The following RUVBL1 variants were observed in gnomAD, a reference collection of about 807,000 sequenced individuals.
RUVBL1 encodes ruvB-like 1.
RUVBL1 carries 4 observed loss-of-function variants against 52.4 expected under a neutral mutation model. That is an observed-to-expected ratio of 0.08 (90% CI 0.04 to 0.17). The LOEUF (loss-of-function observed/expected upper bound fraction) is 0.17, where lower values mean the gene tolerates loss of function less well. Among genes scored for constraint, RUVBL1 ranks in the 10% least tolerant of loss-of-function variants. RUVBL1 has a pLI of 1.00. For synonymous variants in RUVBL1, 217 were observed against 214.4 expected, an observed-to-expected ratio of 1.01 and a Z score of -0.10; for missense variants, 298 against 572.8, an observed-to-expected ratio of 0.52 and a Z score of 4.90.
intron 9 of RUVBL1, among the ~76,000 whole-genome samples, chr3:128,072,237 A>ACTCTCCCCAGTCCTGGACAGGGC (rs557874464): frequency 6.6e-6 from 1 of 150,858 alleles, no homozygotes; most frequent in Non-Finnish European, 1.5e-5. Flanking sequence ...CCACATTTCC[A>ACTCTCCCCAGTCCTGGACAGGGC]CTCTCCCCAG....
chr3:128,137,065 G>C (rs1943958830), intron 1 of RUVBL1, among the ~76,000 whole-genome samples: 1 of 152,048 alleles, frequency 6.6e-6, no homozygotes, highest in African/African-American at 2.4e-5. Context: ...CTTAAGGATA[G>C]ACCACGTTAG....
chr3:128,119,463 A>G, intron 1 of RUVBL1, 49 bp from the exon 2 acceptor site: 1 of 1,499,376 alleles, frequency 6.7e-7, no homozygotes, highest in East Asian at 2.3e-5. Flanking sequence ...AAAATGTTTC[A>G]CAAGGGGAAA....
chr3:128,129,809 G>C (rs1943847624), intron 1 of RUVBL1, among the ~76,000 whole-genome samples: 1 of 152,194 alleles, frequency 6.6e-6, no homozygotes, highest in Non-Finnish European at 1.5e-5. Flanking sequence ...TGAGGAAGTA[G>C]TTAAATTCAT....
chr3:128,144,403 CA>C (rs1404134269), intron 1 of RUVBL1, among the ~76,000 whole-genome samples: 1 of 152,184 alleles, frequency 6.6e-6, no homozygotes, highest in Non-Finnish European at 1.5e-5. Context: ...ATTAAAGAAA[CA>C]GAAAGGAACC....
At chr3:128,131,370 T>G (rs879436661) in intron 1 of RUVBL1, among the ~76,000 whole-genome samples, 1 of 152,116 alleles carries the variant, frequency 6.6e-6, no homozygotes, top group Non-Finnish European at 1.5e-5. Context: ...TCCCAGTTAC[T>G]TGGGAGGCTG....
Position 128,082,488 on chromosome 3 carries a change from T to C in RUVBL1, c.1206A>G (p.Thr402=), listed in dbSNP as rs201090862. 1 of 1,613,266 alleles carries C rather than the reference T, an allele frequency of 6.2e-7. No homozygotes were observed. Among genetic ancestry groups the C allele is most frequent in the East Asian group, 2.2e-5 (1 of 44,868 alleles). ...NHLGEIGTKT[T]LRYSVQLLTP... ...GGCCCAGGGTACCAGCTCACCTCAG[T>C]GTGGTCTTGGTGCCAATCTCCCCCA... The change falls in exon 10 of 11, where the codon ACA becomes ACG. Residue 402 remains threonine (T), a synonymous_variant. Coordinates refer to ENST00000322623, the MANE Select transcript of RUVBL1 (RefSeq NM_003707.3). The surrounding 1 kb of genome is among the most constrained non-coding windows in gnomAD (Gnocchi z 4.7).
At chr3:128,079,585 G>A (rs1016960834), downstream of RUVBL1, among the ~76,000 whole-genome samples, 1 of 152,216 alleles carries the variant, frequency 6.6e-6, no homozygotes, top group Non-Finnish European at 1.5e-5. Context: ...CGCAGCCTCA[G>A]AGGACACTGG....
downstream of RUVBL1, among the ~76,000 whole-genome samples, chr3:128,076,807 G>T (rs1008778325): frequency 6.6e-6 from 1 of 152,144 alleles, no homozygotes; most frequent in Non-Finnish European, 1.5e-5. This position sits in a 1 kb window ranked among gnomAD's most constrained non-coding sequence, Gnocchi z 6.8. Flanking sequence ...CGGCTCCAGT[G>T]TAAGTGCAGC....
upstream of RUVBL1, among the ~76,000 whole-genome samples, chr3:128,124,297 C>T (rs1162247347): frequency 1.3e-5 from 2 of 150,840 alleles, no homozygotes; most frequent in Non-Finnish European, 3.0e-5. Context: ...TGCTTCTATC[C>T]TCCATCCTCC....
intron 2 of RUVBL1, 21 bp from the exon 3 acceptor site, chr3:128,113,041 A>T (rs1943429923): frequency 6.2e-7 from 1 of 1,612,230 alleles, no homozygotes; most frequent in Non-Finnish European, 8.5e-7. Context: ...AAGCAACGGA[A>T]ACACAGTTCA....
intron 3 of RUVBL1, among the ~76,000 whole-genome samples, chr3:128,108,212 C>G (rs1943293958): frequency 6.6e-6 from 1 of 152,220 alleles, no homozygotes; most frequent in Admixed American, 6.5e-5. Context: ...CCCACCCCCT[C>G]TCCCAACTTC....
At chr3:128,078,584 C>A (rs1169545222), downstream of RUVBL1, among the ~76,000 whole-genome samples, 3 of 152,220 alleles carry the variant, frequency 2.0e-5, no homozygotes, top group Admixed American at 6.5e-5. Context: ...AATATTCAAC[C>A]ACTTCCGATG....
intron 8 of RUVBL1, among the ~76,000 whole-genome samples, chr3:128,088,335 G>GA (rs1195391852): frequency 6.7e-6 from 1 of 149,092 alleles, no homozygotes; most frequent in Non-Finnish European, 1.5e-5. Flanking sequence ...TGGGAAGGAG[G>GA]AAAAAAATAA....
At chr3:128,128,828 T>C (rs527325807) in intron 1 of RUVBL1, among the ~76,000 whole-genome samples, 1 of 152,312 alleles carries the variant, frequency 6.6e-6, no homozygotes, top group Non-Finnish European at 1.5e-5. Context: ...ATTCTCCTTG[T>C]ATGCGACTCA....
At position 128,081,133 on chromosome 3, in the gene RUVBL1, G is replaced by C. The variant is rs927102668; in HGVS notation, c.*117C>G. 2 of 965,536 alleles carry C rather than the reference G, an allele frequency of 2.1e-6. No homozygotes were observed. Among genetic ancestry groups the C allele is most frequent in the Admixed American group, 4.9e-5 (2 of 41,016 alleles). 59.8% of individuals were successfully genotyped at this position (965,536 alleles called of 1,614,324 possible). ...ATGCTTTCCACACTGAACTGACAGC[G>C]CTGCAGACCACGCCTGAGTGGGGAC... On this transcript the variant is annotated 3_prime_UTR_variant, in exon 11 of 11. Coordinates refer to ENST00000322623, the MANE Select transcript of RUVBL1 (RefSeq NM_003707.3). The surrounding 1 kb of genome is among the most constrained non-coding windows in gnomAD (Gnocchi z 4.8).
At chr3:128,127,948 G>A (rs536734190), upstream of RUVBL1, among the ~76,000 whole-genome samples, 14 of 152,258 alleles carry the variant, frequency 9.2e-5, no homozygotes, top group Non-Finnish European at 1.5e-4. Flanking sequence ...AGTGAGCCGA[G>A]ATTGCGCCAC....
intron 1 of RUVBL1, among the ~76,000 whole-genome samples, chr3:128,121,061 T>C (rs981450045): frequency 6.6e-6 from 1 of 152,096 alleles, no homozygotes; most frequent in African/African-American, 2.4e-5. Flanking sequence ...CAAAGCACAC[T>C]GCCCTTAATA....
intron 8 of RUVBL1, among the ~76,000 whole-genome samples, chr3:128,096,411 G>A (rs187317588): frequency 7.0e-4 from 106 of 152,330 alleles, no homozygotes; most frequent in African/African-American, 2.2e-3. Flanking sequence ...GATGAGCACC[G>A]TATGAACACT....
At chr3:128,123,370 C>T (rs1167072954) in intron 1 of RUVBL1, among the ~76,000 whole-genome samples, 1 of 152,192 alleles carries the variant, frequency 6.6e-6, no homozygotes, top group Non-Finnish European at 1.5e-5. Flanking sequence ...TCAACTGCCC[C>T]CAGTGGATCG....
Sources: gnomAD v4.1 joint callset for allele counts (sites outside exome capture counted in the v4.1 genomes callset) on GRCh38, gnomAD v4.1.1 for gene constraint, Gnocchi (gnomAD v3.1) non-coding constraint, MANE v1.5 for transcripts, NCBI Gene and HGNC (gene_info 2026-07-23, HGNC 2026-07-21) for gene names.